The following TMEM132E variants were observed in gnomAD, a reference collection of about 807,000 sequenced individuals.
TMEM132E encodes the protein transmembrane protein 132E.
A neutral mutation model predicts 78.5 loss-of-function variants in TMEM132E; 49 were observed. That is an observed-to-expected ratio of 0.62 (90% confidence interval 0.50 to 0.79). TMEM132E has a LOEUF of 0.79. Among genes scored for constraint, TMEM132E ranks in the 30% least tolerant of loss-of-function variants. The pLI is 0.00. For synonymous variants in TMEM132E, 715 were observed against 670.6 expected, an observed-to-expected ratio of 1.07 and a Z score of -1.02; for missense variants, 1,403 against 1,470.9, an observed-to-expected ratio of 0.95 and a Z score of 0.75.
intron 1 of TMEM132E, among the ~76,000 whole-genome samples, chr17:34,587,467 T>C (rs1018957730): frequency 2.0e-5 from 3 of 152,102 alleles, no homozygotes; most frequent in Non-Finnish European, 1.5e-5. Context: ...GAGGCACAGC[T>C]CCAGATCTCA....
At chr17:34,617,948 C>A (rs1312614938) in intron 1 of TMEM132E, among the ~76,000 whole-genome samples, 1 of 152,138 alleles carries the variant, frequency 6.6e-6, no homozygotes, top group Non-Finnish European at 1.5e-5. Flanking sequence ...AGATAACCAC[C>A]ATTAGCATTT....
At chr17:34,584,660 G>A (rs996485080) in intron 1 of TMEM132E, among the ~76,000 whole-genome samples, 1 of 152,164 alleles carries the variant, frequency 6.6e-6, no homozygotes, top group Non-Finnish European at 1.5e-5. Context: ...TGTATTGAGG[G>A]ACCCTCCCAG....
rs766642313 is a variant in TMEM132E, at chr17:34,637,877, C to A, written c.2870C>A (p.Pro957Gln). 6.2e-7 allele frequency: 1 copy of A among 1,607,992 alleles called. No individual in the cohort carries two copies. Among genetic ancestry groups the A allele is most frequent in the East Asian group, 2.2e-5 (1 of 44,826 alleles). ...QGELSPPAGN[P>Q]LETVPAFCHG... ...GAGCTGTCGCCGCCAGCAGGCAACC[C>A]GCTGGAAACCGTGCCCGCCTTCTGC... The change falls in exon 9 of 9, where the codon CCG becomes CAG. Residue 957 changes from proline (P) to glutamine (Q), a missense_variant. Around this residue, in one of 3 missense-constraint regions of TMEM132E, gnomAD observed 888 missense variants for 952.8 expected, o/e 0.93. Coordinates refer to ENST00000631683, the MANE Select transcript of TMEM132E (RefSeq NM_001304438.2).
intron 1 of TMEM132E, among the ~76,000 whole-genome samples, chr17:34,616,222 A>G (rs990024326): frequency 4.6e-5 from 7 of 152,140 alleles, no homozygotes; most frequent in African/African-American, 1.7e-4. Flanking sequence ...GAGGGGATTC[A>G]GGGCAAAGTG....
At chr17:34,591,729 G>A (rs1034152648) in intron 1 of TMEM132E, among the ~76,000 whole-genome samples, 1 of 152,218 alleles carries the variant, frequency 6.6e-6, no homozygotes, top group Admixed American at 6.5e-5. Flanking sequence ...GCCCCAGGAA[G>A]GTCTTAGGAA....
At chr17:34,636,943 G>A (rs1274955695) in intron 8 of TMEM132E, among the ~76,000 whole-genome samples, 1 of 152,186 alleles carries the variant, frequency 6.6e-6, no homozygotes, top group East Asian at 1.9e-4. Context: ...AGAGCAGTAT[G>A]AGGCCTGGAT....
chr17:34,631,945 C>T (rs1907360887), intron 5 of TMEM132E, among the ~76,000 whole-genome samples: 1 of 152,228 alleles, frequency 6.6e-6, no homozygotes, highest in African/African-American at 2.4e-5. Flanking sequence ...AGTGACACCT[C>T]TGTGAGTGGG....
At position 34,627,060 on chromosome 17, in the gene TMEM132E, A is replaced by C; in HGVS notation, c.998+3A>C. 1.4e-6 allele frequency: 2 copies of C among 1,388,238 alleles called. No homozygotes were observed. The highest frequency in any genetic ancestry group is 1.1e-5 in the South Asian group (1 of 88,478). 86.0% of individuals were successfully genotyped at this position (1,388,238 alleles called of 1,614,324 possible). On this transcript the variant is annotated splice_donor_region_variant and intron_variant, in intron 2 of 8. Coordinates refer to ENST00000631683, the MANE Select transcript of TMEM132E (RefSeq NM_001304438.2). Reference sequence around the variant, plus strand: ...AGCGTGGAGCACTTCACACTCAGGTAGTAGGGAAGATGGGTGGGGATCTGG... The same window carrying C: ...AGCGTGGAGCACTTCACACTCAGGTCGTAGGGAAGATGGGTGGGGATCTGG...
chr17:34,588,727 G>T (rs531744503), intron 1 of TMEM132E, among the ~76,000 whole-genome samples: 9 of 152,108 alleles, frequency 5.9e-5, no homozygotes, highest in Non-Finnish European at 1.3e-4. Flanking sequence ...CAAAGGCAAC[G>T]AGTGGTTTTT....
intron 1 of TMEM132E, among the ~76,000 whole-genome samples, chr17:34,617,183 G>T (rs1414911961): frequency 6.6e-6 from 1 of 152,206 alleles, no homozygotes; most frequent in East Asian, 1.9e-4. Flanking sequence ...TGCAGAGCAG[G>T]GACTATCCTC....
At chr17:34,630,210 A>T in intron 5 of TMEM132E, 59 bp downstream of exon 5, 2 of 1,559,936 alleles carry the variant, frequency 1.3e-6, no homozygotes, top group Non-Finnish European at 1.8e-6. Flanking sequence ...AGGAGAGTAG[A>T]ACCTCAAACC....
intron 1 of TMEM132E, among the ~76,000 whole-genome samples, chr17:34,616,504 G>T (rs983938575): frequency 6.6e-6 from 1 of 152,212 alleles, no homozygotes; most frequent in Non-Finnish European, 1.5e-5. Flanking sequence ...TTGCTCTGGG[G>T]CTCCTGCTGC....
intron 5 of TMEM132E, 87 bp downstream of exon 5, chr17:34,630,238 C>T (rs1907310335): frequency 6.9e-7 from 1 of 1,441,536 alleles, no homozygotes; most frequent in Non-Finnish European, 9.5e-7. Flanking sequence ...AGGTGGCTGA[C>T]TCTTACTCAT....
At chr17:34,605,164 G>A (rs1402784904) in intron 1 of TMEM132E, among the ~76,000 whole-genome samples, 1 of 152,176 alleles carries the variant, frequency 6.6e-6, no homozygotes, top group Non-Finnish European at 1.5e-5. Flanking sequence ...AATCAGCCAT[G>A]ACGTCCTAAG....
At chr17:34,624,888 C>T (rs2142077830) in intron 1 of TMEM132E, among the ~76,000 whole-genome samples, 1 of 152,320 alleles carries the variant, frequency 6.6e-6, no homozygotes, top group East Asian at 1.9e-4. Flanking sequence ...AACACAGCCT[C>T]CTGCGAGACC....
Position 34,629,323 on chromosome 17 carries a change from A to G in TMEM132E, c.1338+119A>G, listed in dbSNP as rs552684997. Reference sequence around the variant, plus strand: ...AAATTGACATGTGTGTATATGTGAGACTTCCTGCCATGCCCAGGTATGCCT... The same window carrying G: ...AAATTGACATGTGTGTATATGTGAGGCTTCCTGCCATGCCCAGGTATGCCT... On this transcript the variant is annotated intron_variant, in intron 4 of 8. Coordinates refer to ENST00000631683, the MANE Select transcript of TMEM132E (RefSeq NM_001304438.2). 3.3e-4 allele frequency: 377 copies of G among 1,129,378 alleles called. 1 individual carries two copies. The African/African-American group carries it at 5.5e-3, about 16-fold the overall frequency. The allele number at this position is 1,129,378 out of a possible 1,614,324, so 70.0% of individuals were successfully genotyped here. A position where few individuals can be genotyped will look rare whatever the true frequency, so the allele number is the denominator to read the frequency against.
At position 34,637,993 on chromosome 17, in the gene TMEM132E, C is replaced by G. The variant is rs376595651; in HGVS notation, c.2986C>G (p.Arg996Gly). The G allele has an allele frequency of 5.0e-5, 80 of 1,585,528 alleles. No homozygotes were observed. Among genetic ancestry groups the G allele is most frequent in the Non-Finnish European group, 6.4e-5 (75 of 1,167,068 alleles). The part of the protein sequence containing the change: ...RGDGSSGGSA[R>G]DQAEDPASSP... ...CGACGGCTCCTCGGGCGGCTCAGCC[C>G]GAGACCAAGCCGAGGACCCCGCCAG... is the stretch of plus-strand genomic sequence containing the variant. The change falls in exon 9 of 9, where the codon CGA becomes GGA. Residue 996 changes from arginine (R) to glycine (G), a missense_variant. Transcript: ENST00000631683.
At chr17:34,607,658 C>T (rs1567714675) in intron 1 of TMEM132E, among the ~76,000 whole-genome samples, 1 of 152,180 alleles carries the variant, frequency 6.6e-6, no homozygotes, top group African/African-American at 2.4e-5. Flanking sequence ...GCCCAGGTAC[C>T]ACACTTCTGT....
intron 1 of TMEM132E, among the ~76,000 whole-genome samples, chr17:34,623,287 C>A (rs1278371163): frequency 6.6e-6 from 1 of 152,126 alleles, no homozygotes; most frequent in Non-Finnish European, 1.5e-5. Flanking sequence ...TCCAAGGAAT[C>A]CAGATGGTCA....
Sources: allele counts gnomAD v4.1 joint callset (sites outside exome capture counted in the v4.1 genomes callset), GRCh38; gene constraint gnomAD v4.1.1; regional missense constraint gnomAD v4.1.1; transcripts MANE v1.5; gene names NCBI Gene and HGNC (gene_info 2026-07-23, HGNC 2026-07-21).